Variants in DNAJC11 observed in about 807,000 individuals in gnomAD.
DNAJC11 encodes the protein DnaJ heat shock protein family (Hsp40) member C11, also known as dnaJ homolog subfamily C member 11.
Under a neutral mutation model 78.6 loss-of-function variants are expected in DNAJC11, and 15 were observed. The ratio of observed to expected loss-of-function variants is 0.19; its 90% CI spans 0.13 to 0.29. The LOEUF (loss-of-function observed/expected upper bound fraction) is 0.29. Among genes scored for constraint, DNAJC11 ranks in the 10% least tolerant of loss-of-function variants. The probability of loss-of-function intolerance (pLI) is 1.00; values close to 1 mark genes in which losing one functional copy is unlikely to be tolerated. For missense variants in DNAJC11, 547 were observed against 709.6 expected (o/e 0.77, Z 2.60); for synonymous variants, 292 against 272.1 (o/e 1.07, Z -0.72).
At position 6,680,783 on chromosome 1, in the gene DNAJC11, C is replaced by T. The variant is rs894977267; in HGVS notation, c.202+125G>A. 4 of 1,219,588 alleles carry T rather than the reference C, an allele frequency of 3.3e-6. No homozygotes were observed. The African/African-American group carries it at 4.5e-5, about 14-fold the overall frequency. The allele number at this position is 1,219,588 out of a possible 1,614,324, so 75.5% of individuals were successfully genotyped here. A position where few individuals can be genotyped will look rare whatever the true frequency, so the allele number is the denominator to read the frequency against. ...CAAAGGACCCTGTCAGTGAAAAGTA[C>T]TAAACTAACCACCTGTTTTATATAC... is the stretch of plus-strand genomic sequence containing the variant. On this transcript the variant is annotated intron_variant, in intron 2 of 15. Coordinates refer to ENST00000377577, the MANE Select transcript of DNAJC11 (RefSeq NM_018198.4). The surrounding 1 kb of genome is among the most constrained non-coding windows in gnomAD (Gnocchi z 4.0).
rs114665243 is a variant in DNAJC11 at position 6,692,386 on chromosome 1, T to C, written c.72+9343A>G. On this transcript the variant is annotated intron_variant, in intron 1 of 15. Transcript: ENST00000377577. ...TCTTGGGCCCACCCCTGCCCCCAGC[T>C]CTGCCTCCTCTCTGCTTGGCTCACA... 4.1e-3 allele frequency among the ~76,000 whole-genome samples: 619 copies of C among 151,636 alleles called. 4 individuals carry two copies. Among genetic ancestry groups the C allele is most frequent in the Non-Finnish European group, 5.6e-3 (378 of 67,920 alleles).
At chr1:6,647,431 A>T (rs1031890214) in intron 7 of DNAJC11, among the ~76,000 whole-genome samples, 3 of 152,140 alleles carry the variant, frequency 2.0e-5, no homozygotes, top group Admixed American at 2.0e-4. Flanking sequence ...CCGTAACTCC[A>T]TCGTAAATCA....
intron 14 of DNAJC11, among the ~76,000 whole-genome samples, chr1:6,636,890 C>G (rs1326498898): frequency 6.6e-6 from 1 of 152,156 alleles, no homozygotes; most frequent in African/African-American, 2.4e-5. Flanking sequence ...GCTCTGTCAC[C>G]CAGGCTGGAG....
chr1:6,638,146 G>A (rs1641815438), intron 12 of DNAJC11, 149 bp downstream of exon 12: 1 of 685,810 alleles, frequency 1.5e-6, no homozygotes, highest in Middle Eastern at 2.5e-4. Flanking sequence ...GGACTGCAGA[G>A]CCCAGTGTCG....
rs1476239677 is a variant in DNAJC11 at position 6,655,974 on chromosome 1, C to T, written c.379-1935G>A. On this transcript the variant is annotated intron_variant, in intron 4 of 15. Transcript: ENST00000377577. Reference sequence around the variant, plus strand: ...AAAATTAGCCGGGCGTGGTGGTGCGCACCTATAATCCCAGCTCCTCAGGAG... The same window carrying T: ...AAAATTAGCCGGGCGTGGTGGTGCGTACCTATAATCCCAGCTCCTCAGGAG... 2.7e-5 allele frequency among the ~76,000 whole-genome samples: 4 copies of T among 149,804 alleles called. No individual in the cohort carries two copies. The East Asian group carries it at 6.0e-4, about 22-fold the overall frequency.
intron 7 of DNAJC11, chr1:6,651,224 C>A: frequency 1.6e-6 from 1 of 609,536 alleles, no homozygotes; most frequent in Non-Finnish European, 3.2e-6. Flanking sequence ...TGTTTCGGTC[C>A]ACTGACCAAC....
chr1:6,675,932 G>A (rs1238781367), intron 3 of DNAJC11, among the ~76,000 whole-genome samples: 1 of 152,146 alleles, frequency 6.6e-6, no homozygotes, highest in African/African-American at 2.4e-5. Flanking sequence ...GACTCCAATT[G>A]CTGACTTGAA....
Position 6,645,853 on chromosome 1 carries a change from T to C in DNAJC11, c.830A>G (p.Gln277Arg), listed in dbSNP as rs768722494. 7 of 1,614,092 alleles carry C rather than the reference T, an allele frequency of 4.3e-6. No homozygotes were observed. The African/African-American group carries it at 9.3e-5, about 22-fold the overall frequency. The change falls in exon 8 of 16, where the codon CAG (glutamine) becomes CGG (arginine). Residue 277 changes from glutamine to arginine, a missense_variant. By Grantham distance (43) the Gln-to-Arg change is conservative. Transcript: ENST00000377577. The surrounding 1 kb of genome is among the most constrained non-coding windows in gnomAD (Gnocchi z 4.1). The stretch of plus-strand genomic sequence containing the variant: ...GACGATGCTAGTGTTCATGGCTGAC[T>C]GGATACCCCATCGCCACTGCAGGTA... ...VGYLQWRWGI[Q>R]SAMNTSIVRD...
intron 1 of DNAJC11, among the ~76,000 whole-genome samples, chr1:6,685,473 A>G (rs949628686): frequency 1.3e-5 from 2 of 152,204 alleles, no homozygotes; most frequent in African/African-American, 4.8e-5. Context: ...CCTAAATTTA[A>G]AATAGTCAGG....
At chr1:6,667,623 C>T (rs1239080438) in intron 4 of DNAJC11, 86 bp downstream of exon 4, 4 of 1,094,864 alleles carry the variant, frequency 3.7e-6, no homozygotes, top group East Asian at 4.8e-5. Context: ...TTTAACAATC[C>T]ACCAGCACCT....
intron 10 of DNAJC11, among the ~76,000 whole-genome samples, chr1:6,643,453 T>G (rs539312231): frequency 2.9e-4 from 44 of 151,934 alleles, no homozygotes; most frequent in Middle Eastern, 3.4e-3. Context: ...TTTTTTGTAT[T>G]TTTAGTAGAG....
intron 4 of DNAJC11, among the ~76,000 whole-genome samples, chr1:6,659,779 C>T (rs934634429): frequency 1.2e-4 from 18 of 150,068 alleles, no homozygotes; most frequent in African/African-American, 3.4e-4. Flanking sequence ...ATACCAAGGC[C>T]GGGCACGGTG....
At chr1:6,638,215 C>T (rs866621019) in intron 12 of DNAJC11, 80 bp downstream of exon 12, 22 of 1,438,928 alleles carry the variant, frequency 1.5e-5, no homozygotes, top group Middle Eastern at 1.8e-4. Flanking sequence ...AGTCTGACCT[C>T]TAAGGCCCTG....
intron 7 of DNAJC11, among the ~76,000 whole-genome samples, chr1:6,647,317 A>G (rs922986974): frequency 6.6e-6 from 1 of 151,648 alleles, no homozygotes; most frequent in Non-Finnish European, 1.5e-5. Flanking sequence ...TCCTGCCCCC[A>G]GGTGATCCAC....
intron 1 of DNAJC11, among the ~76,000 whole-genome samples, chr1:6,691,188 GAA>G (rs5772249): frequency 1.4e-4 from 18 of 125,182 alleles, no homozygotes; most frequent in African/African-American, 4.0e-4. Flanking sequence ...CCCAAAGACT[GAA>G]AAAAAAAAAA....
rs762110936 is a variant in DNAJC11, at chr1:6,651,572, G to A, written c.661C>T (p.Pro221Ser). The change falls in exon 7 of 16, where the codon CCT (proline) becomes TCT (serine). Residue 221 changes from proline to serine, a missense_variant. By Grantham distance (74) the Pro-to-Ser change is moderately conservative. Coordinates refer to ENST00000377577, the MANE Select transcript of DNAJC11 (RefSeq NM_018198.4). ...LEFGAGDLQG[P>S]LFGLKLFRNL... ...CGGAACAGCTTGAGACCGAACAAAG[G>A]CCCCTGTAGGTCTCCAGCTCCAAAT... The A allele has an allele frequency of 6.2e-7, 1 of 1,614,066 alleles. No homozygotes were observed. Among genetic ancestry groups the A allele is most frequent in the Admixed American group, 1.7e-5 (1 of 59,992 alleles).
chr1:6,693,697 T>A (rs1429263130), intron 1 of DNAJC11, among the ~76,000 whole-genome samples: 1 of 151,924 alleles, frequency 6.6e-6, no homozygotes, highest in Non-Finnish European at 1.5e-5. Flanking sequence ...TTTATTATTA[T>A]TTTTATAGAC....
Position 6,667,813 on chromosome 1 carries a change from A to G in DNAJC11, c.277-3T>C. 1 of 1,613,068 alleles carries G rather than the reference A, an allele frequency of 6.2e-7. No homozygotes were observed. The highest frequency in any genetic ancestry group is 8.5e-7 in the Non-Finnish European group (1 of 1,179,574). On this transcript the variant is annotated splice_region_variant and splice_polypyrimidine_tract_variant and intron_variant, in intron 3 of 15. Coordinates refer to ENST00000377577, the MANE Select transcript of DNAJC11 (RefSeq NM_018198.4). ...GGGGTTCTCCTCCTTTCCACAACCT[A>G]TGCACAGAATCAAGATGGGAAGACA...
intron 3 of DNAJC11, chr1:6,670,781 A>G (rs1036421662): frequency 6.6e-6 from 1 of 152,126 alleles, no homozygotes; most frequent in Non-Finnish European, 1.5e-5. Context: ...CCCAGGCTTA[A>G]AATCATCGAG....
Sources: gnomAD v4.1 joint callset for allele counts (sites outside exome capture counted in the v4.1 genomes callset) on GRCh38, gnomAD v4.1.1 for gene constraint, Gnocchi (gnomAD v3.1) non-coding constraint, MANE v1.5 for transcripts, NCBI Gene and HGNC (gene_info 2026-07-23, HGNC 2026-07-21) for gene names.